Variants in HTR3B observed in about 807,000 individuals in gnomAD.
HTR3B encodes 5-hydroxytryptamine (serotonin) receptor 3B, ionotropic.
A neutral mutation model predicts 42.8 loss-of-function variants in HTR3B; 44 were observed. That is an observed-to-expected ratio of 1.03 (90% CI 0.81 to 1.32). HTR3B has a LOEUF of 1.32. HTR3B is among the 40% of genes most tolerant of loss of function. HTR3B has a pLI of 0.00. For missense variants in HTR3B, 527 were observed against 536.5 expected (o/e 0.98, Z 0.17); for synonymous variants, 203 against 209.0 (o/e 0.97, Z 0.25).
At chr11:113,942,938 T>C in intron 6 of HTR3B, 44 bp from the exon 7 acceptor site, 2 of 1,570,586 alleles carry the variant, frequency 1.3e-6, no homozygotes, top group Non-Finnish European at 1.8e-6. Context: ...TCTGAGTCTG[T>C]TGGCCTAGAT....
At chr11:113,934,997 G>A (rs1950077518) in intron 6 of HTR3B, among the ~76,000 whole-genome samples, 1 of 151,974 alleles carries the variant, frequency 6.6e-6, no homozygotes, top group South Asian at 2.1e-4. Context: ...AAAGAGATGG[G>A]GCAGGTAAAC....
chr11:113,914,155 T>G (rs1234123995), intron 2 of HTR3B, among the ~76,000 whole-genome samples: 1 of 152,102 alleles, frequency 6.6e-6, no homozygotes, highest in East Asian at 1.9e-4. Context: ...TTAAAAAGAT[T>G]TAAAAAATGT....
chr11:113,943,985 G>A (rs1319821413), intron 7 of HTR3B, among the ~76,000 whole-genome samples: 1 of 151,248 alleles, frequency 6.6e-6, no homozygotes, highest in South Asian at 2.1e-4. Flanking sequence ...TTGAGCCCAA[G>A]AGTTCAAGAC....
intron 4 of HTR3B, 79 bp downstream of exon 4, chr11:113,931,946 G>A: frequency 2.3e-6 from 2 of 856,616 alleles, no homozygotes; most frequent in Non-Finnish European, 4.0e-6. Flanking sequence ...CTTTCAGTCA[G>A]TGTTGCTCAT....
At chr11:113,904,139 T>C (rs1949717018), upstream of HTR3B, among the ~76,000 whole-genome samples, 1 of 152,182 alleles carries the variant, frequency 6.6e-6, no homozygotes, top group African/African-American at 2.4e-5. Flanking sequence ...TATAGAATTA[T>C]GCATCATGTT....
chr11:113,931,675 T>A, intron 3 of HTR3B, 83 bp from the exon 4 acceptor site: 1 of 850,050 alleles, frequency 1.2e-6, no homozygotes, highest in Non-Finnish European at 2.0e-6. Flanking sequence ...AATTGGATTA[T>A]TAATCCAAAT....
intron 6 of HTR3B, among the ~76,000 whole-genome samples, chr11:113,938,678 A>G (rs118122127): frequency 0.018 from 2,738 of 152,324 alleles, 191 homozygotes; most frequent in Admixed American, 0.12. Context: ...TCTGAAAACT[A>G]TATGATGAAA....
intron 2 of HTR3B, among the ~76,000 whole-genome samples, chr11:113,921,780 A>G (rs759553762): frequency 6.6e-6 from 1 of 152,190 alleles, no homozygotes; most frequent in Non-Finnish European, 1.5e-5. Context: ...AGAAAGTAAA[A>G]TCAGATTCTT....
chr11:113,923,706 A>G (rs1949938568), intron 2 of HTR3B, among the ~76,000 whole-genome samples: 1 of 152,222 alleles, frequency 6.6e-6, no homozygotes, highest in South Asian at 2.1e-4. Context: ...AGGTATCTAA[A>G]GAAAAAAAAC....
upstream of HTR3B, among the ~76,000 whole-genome samples, chr11:113,901,332 A>T (rs962166981): frequency 6.6e-6 from 1 of 151,714 alleles, no homozygotes; most frequent in Non-Finnish European, 1.5e-5. Flanking sequence ...ACTCCCAGCT[A>T]TGGGAGGCTG....
chr11:113,928,523 C>T (rs1162552946), intron 2 of HTR3B, among the ~76,000 whole-genome samples: 1 of 152,138 alleles, frequency 6.6e-6, no homozygotes, highest in Non-Finnish European at 1.5e-5. Flanking sequence ...CATGTTGTAA[C>T]ATGTGTCAGA....
chr11:113,932,859 A>T, intron 5 of HTR3B, 77 bp from the exon 6 acceptor site: 1 of 1,475,500 alleles, frequency 6.8e-7, no homozygotes, highest in Non-Finnish European at 9.3e-7. Flanking sequence ...GAAGGATTCG[A>T]ATTGGGAGCT....
intron 2 of HTR3B, among the ~76,000 whole-genome samples, chr11:113,925,275 T>C (rs1027254305): frequency 2.0e-5 from 3 of 152,316 alleles, no homozygotes; most frequent in South Asian, 2.1e-4. Flanking sequence ...AGAGCTGTTA[T>C]TTGATTTCAT....
intron 6 of HTR3B, among the ~76,000 whole-genome samples, chr11:113,942,638 A>G (rs1198952139): frequency 6.6e-6 from 1 of 152,194 alleles, no homozygotes; most frequent in Non-Finnish European, 1.5e-5. Flanking sequence ...TGTAAAATGA[A>G]GTTGATACCC....
chr11:113,927,737 A>T (rs1484523040), intron 2 of HTR3B, among the ~76,000 whole-genome samples: 2 of 151,702 alleles, frequency 1.3e-5, no homozygotes, highest in Admixed American at 6.6e-5. Flanking sequence ...TAATTTTTGT[A>T]TTTTTAGTGG....
At chr11:113,936,674 T>A (rs1176740) in intron 6 of HTR3B, among the ~76,000 whole-genome samples, 12,702 of 152,214 alleles carry the variant, frequency 0.083, 869 homozygotes, top group African/African-American at 0.19. Flanking sequence ...TAGATCCAAG[T>A]AACTCTGACT....
chr11:113,944,888 G>T, intron 8 of HTR3B, 133 bp downstream of exon 8: 1 of 727,432 alleles, frequency 1.4e-6, no homozygotes, highest in Non-Finnish European at 2.2e-6. Context: ...GCCTGGGTGT[G>T]GCATTTTATA....
At chr11:113,906,289 G>C (rs2137481123) in intron 1 of HTR3B, among the ~76,000 whole-genome samples, 1 of 152,258 alleles carries the variant, frequency 6.6e-6, no homozygotes, top group African/African-American at 2.4e-5. Flanking sequence ...TTAAGTGTAA[G>C]AGCACGGAAC....
intron 6 of HTR3B, among the ~76,000 whole-genome samples, chr11:113,938,322 C>G (rs185133824): frequency 1.3e-5 from 2 of 152,228 alleles, no homozygotes; most frequent in Non-Finnish European, 2.9e-5. Flanking sequence ...AAAGTTTAAC[C>G]CAGCATCATT....
Sources: allele counts gnomAD v4.1 joint callset (sites outside exome capture counted in the v4.1 genomes callset), GRCh38; gene constraint gnomAD v4.1.1; transcripts MANE v1.5; gene names NCBI Gene and HGNC (gene_info 2026-07-23, HGNC 2026-07-21).